Variants in EPC2 observed in about 807,000 individuals in gnomAD.
The protein encoded by EPC2 is enhancer of polycomb homolog 2.
EPC2 carries 14 observed loss-of-function variants against 92.1 expected under a neutral mutation model. That is an observed-to-expected ratio of 0.15 (90% CI 0.10 to 0.24). The LOEUF (loss-of-function observed/expected upper bound fraction) is 0.24, where lower values mean the gene tolerates loss of function less well. Ranked by LOEUF, EPC2 falls within the 10% of genes least tolerant of loss-of-function variation. The pLI is 1.00. For synonymous variants in EPC2, 340 were observed against 334.7 expected (o/e 1.02, Z -0.17); for missense variants, 755 against 971.5 (o/e 0.78, Z 2.96).
chr2:148,732,073 A>G (rs1036032619), intron 2 of EPC2, among the ~76,000 whole-genome samples: 1 of 152,252 alleles, frequency 6.6e-6, no homozygotes, highest in African/African-American at 2.4e-5. Flanking sequence ...AGTGAATGTC[A>G]GTACTACATG....
At chr2:148,726,765 G>GTTTTTTTTTTTTTTTTTGTTTTTTTTT (rs201293391) in intron 2 of EPC2, among the ~76,000 whole-genome samples, 5 of 100,606 alleles carry the variant, frequency 5.0e-5, no homozygotes, top group Admixed American at 1.0e-4. Flanking sequence ...TTTGTTTTTT[G>GTTTTTTTTTTTTTTTTTGTTTTTTTTT]TTTTTTTTTT....
At chr2:148,772,603 G>C (rs1409615779) in intron 10 of EPC2, among the ~76,000 whole-genome samples, 2 of 152,128 alleles carry the variant, frequency 1.3e-5, no homozygotes, top group Non-Finnish European at 2.9e-5. Context: ...GGATTTGTTT[G>C]AATGATTAGA....
At chr2:148,722,000 G>T (rs1344044478) in intron 2 of EPC2, among the ~76,000 whole-genome samples, 6 of 146,136 alleles carry the variant, frequency 4.1e-5, no homozygotes, top group Admixed American at 7.1e-5. Flanking sequence ...GAAATTCCTG[G>T]TTGGAAAAGT....
intron 5 of EPC2, chr2:148,762,352 A>C (rs1465642988): frequency 4.9e-6 from 1 of 202,432 alleles, no homozygotes; most frequent in African/African-American, 2.3e-5. Context: ...ATTTTCCTAC[A>C]AAATTAAATA....
At chr2:148,686,800 G>C (rs1483610199) in intron 1 of EPC2, among the ~76,000 whole-genome samples, 1 of 152,086 alleles carries the variant, frequency 6.6e-6, no homozygotes, top group African/African-American at 2.4e-5. Context: ...GCCCTCAACA[G>C]TTAGCTTAGA....
intron 7 of EPC2, 53 bp from the exon 8 acceptor site, chr2:148,769,098 C>T (rs1683468389): frequency 1.7e-6 from 2 of 1,157,410 alleles, no homozygotes; most frequent in South Asian, 1.3e-5. Context: ...GTATTACAAA[C>T]ATTGATCTAT....
Position 148,708,096 on chromosome 2 carries a change from C to T in EPC2, c.313+17723C>T, listed in dbSNP as rs527809239. 1.2e-4 allele frequency among the ~76,000 whole-genome samples: 19 copies of T among 152,058 alleles called. 1 individual carries two copies. The South Asian group carries it at 1.5e-3, about 12-fold the overall frequency. ...GAAAAGATCAACAAAATTGATAGAC[C>T]GGTAGCAAGACTAATAAAGAAGAGA... On this transcript the variant is annotated intron_variant, in intron 2 of 13. Transcript: ENST00000258484.
At chr2:148,720,599 G>T (rs564418597) in intron 2 of EPC2, among the ~76,000 whole-genome samples, 1 of 152,208 alleles carries the variant, frequency 6.6e-6, no homozygotes, top group Non-Finnish European at 1.5e-5. Context: ...ACGCAGCTCC[G>T]TGTGTTGGCC....
intron 10 of EPC2, among the ~76,000 whole-genome samples, chr2:148,779,632 A>G (rs888841518): frequency 6.6e-6 from 1 of 152,240 alleles, no homozygotes; most frequent in Non-Finnish European, 1.5e-5. Flanking sequence ...ATTCTGAATT[A>G]GTAAGATTTT....
Position 148,757,363 on chromosome 2 carries a change from G to A in EPC2, c.666+3230G>A, listed in dbSNP as rs991424027. Among the ~76,000 whole-genome samples the A allele has an allele frequency of 2.6e-5, 4 of 151,722 alleles. No homozygotes were observed. The East Asian group carries it at 5.9e-4, about 22-fold the overall frequency. On this transcript the variant is annotated intron_variant, in intron 4 of 13. Coordinates refer to ENST00000258484, the MANE Select transcript of EPC2 (RefSeq NM_015630.4). ...TGCACTCCAGCCTGGGTGACAGTGC[G>A]AGACTCCGTCTCAAAACAAAATATA... is the stretch of plus-strand genomic sequence containing the variant.
At chr2:148,713,293 A>T (rs1297312149) in intron 2 of EPC2, among the ~76,000 whole-genome samples, 1 of 152,210 alleles carries the variant, frequency 6.6e-6, no homozygotes, top group Non-Finnish European at 1.5e-5. Context: ...AATGATGATC[A>T]TGACCCAGTG....
rs891646450 is a variant in EPC2 at position 148,687,617 on chromosome 2, G to A, written c.154-2597G>A. On this transcript the variant is annotated intron_variant, in intron 1 of 13. Transcript: ENST00000258484. ...TATTCTGACAAAATGCCAAAGAGATGCTGACTATGATGTAGTATAGATGAT... is the reference window on the plus strand; with the variant it reads ...TATTCTGACAAAATGCCAAAGAGATACTGACTATGATGTAGTATAGATGAT... Among the ~76,000 whole-genome samples, 12 of 152,206 alleles carry A rather than the reference G, an allele frequency of 7.9e-5. 1 individual carries two copies. The South Asian group carries it at 1.9e-3, about 24-fold the overall frequency.
chr2:148,731,872 C>T (rs898243175), intron 2 of EPC2, among the ~76,000 whole-genome samples: 3 of 152,218 alleles, frequency 2.0e-5, no homozygotes, highest in Admixed American at 2.0e-4. Flanking sequence ...CTCCCCTTGA[C>T]AGTCCAAAGA....
intron 2 of EPC2, among the ~76,000 whole-genome samples, chr2:148,707,646 G>T (rs1236172378): frequency 6.6e-6 from 1 of 152,118 alleles, no homozygotes; most frequent in South Asian, 2.1e-4. Context: ...ACAACAAACT[G>T]TCTCTCACAC....
intron 1 of EPC2, among the ~76,000 whole-genome samples, chr2:148,687,055 T>C (rs1337036448): frequency 1.3e-5 from 2 of 152,226 alleles, no homozygotes; most frequent in African/African-American, 4.8e-5. Context: ...ATTGAAAATC[T>C]ATTATTCAGT....
intron 2 of EPC2, among the ~76,000 whole-genome samples, chr2:148,695,900 C>G (rs1681737244): frequency 6.6e-6 from 1 of 152,222 alleles, no homozygotes; most frequent in Admixed American, 6.5e-5. Context: ...GTGGAGAACA[C>G]ATTACAGGTG....
intron 2 of EPC2, among the ~76,000 whole-genome samples, chr2:148,730,556 A>G (rs939978628): frequency 6.6e-6 from 1 of 152,190 alleles, no homozygotes; most frequent in East Asian, 1.9e-4. Flanking sequence ...CTGGATCAGA[A>G]ACTGATGATC....
intron 3 of EPC2, among the ~76,000 whole-genome samples, chr2:148,746,789 C>T (rs1238413606): frequency 1.3e-5 from 2 of 151,638 alleles, no homozygotes; most frequent in Admixed American, 1.3e-4. Flanking sequence ...TGTGTAACTT[C>T]CCACCCTCAA....
chr2:148,756,332 A>C (rs772087066), intron 4 of EPC2, among the ~76,000 whole-genome samples: 3 of 152,134 alleles, frequency 2.0e-5, no homozygotes, highest in Non-Finnish European at 2.9e-5. Flanking sequence ...CACCATTGCT[A>C]GTTAGAAATG....
Sources: gnomAD v4.1 joint callset for allele counts (sites outside exome capture counted in the v4.1 genomes callset) on GRCh38, gnomAD v4.1.1 for gene constraint, MANE v1.5 for transcripts, NCBI Gene and HGNC (gene_info 2026-07-23, HGNC 2026-07-21) for gene names.